Variants in TENM3 observed in about 807,000 individuals in gnomAD.
The protein encoded by TENM3 is teneurin transmembrane protein 3.
A neutral mutation model predicts 255.1 loss-of-function variants in TENM3; 63 were observed. The observed-to-expected ratio is 0.25, with a 90% CI of 0.20 to 0.30. TENM3 has a LOEUF of 0.30. Ranked by LOEUF, TENM3 falls within the 10% of genes least tolerant of loss-of-function variation. TENM3 has a pLI of 1.00. For synonymous variants in TENM3, 1,306 were observed against 1,322.3 expected (o/e 0.99, Z 0.27); for missense variants, 2,929 against 3,461.1 (o/e 0.85, Z 3.86).
chr4:181,934,879 T>G, the TENM3 span, among the ~76,000 whole-genome samples: 1 of 152,048 alleles, frequency 6.6e-6, no homozygotes, highest in Non-Finnish European at 1.5e-5. Context: ...AACATGTTGA[T>G]TTTTTAATGA....
chr4:182,207,251 C>G (rs1015734241), intron 1 of TENM3, among the ~76,000 whole-genome samples: 1 of 152,198 alleles, frequency 6.6e-6, no homozygotes, highest in Non-Finnish European at 1.5e-5. Flanking sequence ...AAGTGATTAT[C>G]TTCAAGGGGG....
At chr4:181,511,632 A>G in the TENM3 span, among the ~76,000 whole-genome samples, 1 of 152,168 alleles carries the variant, frequency 6.6e-6, no homozygotes, top group Non-Finnish European at 1.5e-5. Context: ...GTTCATACAT[A>G]CATTCATTTA....
At chr4:182,278,873 T>C (rs1166287965) in intron 1 of TENM3, among the ~76,000 whole-genome samples, 3 of 152,214 alleles carry the variant, frequency 2.0e-5, no homozygotes, top group South Asian at 2.1e-4. Flanking sequence ...TGTCATGCGC[T>C]GCGGGCTCCA....
At chr4:181,960,981 A>G in the TENM3 span, among the ~76,000 whole-genome samples, 4 of 152,190 alleles carry the variant, frequency 2.6e-5, no homozygotes, top group African/African-American at 9.6e-5. Flanking sequence ...GCACTAGGGA[A>G]TAGATGGCTT....
chr4:181,482,130 C>T, the TENM3 span, among the ~76,000 whole-genome samples: 5 of 152,070 alleles, frequency 3.3e-5, no homozygotes, highest in Middle Eastern at 3.4e-3. Flanking sequence ...TATTTTTTGA[C>T]TGACATATAA....
intron 1 of TENM3, among the ~76,000 whole-genome samples, chr4:182,297,549 G>A (rs1355957250): frequency 2.0e-5 from 3 of 152,112 alleles, no homozygotes; most frequent in East Asian, 1.9e-4. Flanking sequence ...GACTAAAAGC[G>A]TCCCCTGATC....
rs547020397 is a variant in TENM3 at position 182,428,145 on chromosome 4, G to T, written c.511+81216G>T. On this transcript the variant is annotated intron_variant, in intron 3 of 27. Coordinates refer to ENST00000511685, the MANE Select transcript of TENM3 (RefSeq NM_001080477.4). ...CAAAGGTGTGGAGAAAACCAACCTG[G>T]ATTCAGAGAGCTAATGGATACTGCA... Among the ~76,000 whole-genome samples, 9 of 152,234 alleles carry T rather than the reference G, an allele frequency of 5.9e-5. No homozygotes were observed. In the South Asian group the frequency reaches 1.9e-3, roughly 32 times the overall value.
chr4:182,619,271 ATT>A (rs879539566), intron 4 of TENM3, among the ~76,000 whole-genome samples: 29,957 of 151,692 alleles, frequency 0.2, 3,502 homozygotes, highest in Non-Finnish European at 0.27. Flanking sequence ...ACTAAAAATA[ATT>A]AAAAAAAATT....
At chr4:182,633,245 A>G (rs1400462732) in intron 5 of TENM3, among the ~76,000 whole-genome samples, 1 of 152,146 alleles carries the variant, frequency 6.6e-6, no homozygotes, top group Non-Finnish European at 1.5e-5. Flanking sequence ...GAGGATTTTT[A>G]AAAATGTTCT....
intron 6 of TENM3, among the ~76,000 whole-genome samples, chr4:182,659,921 C>G (rs1159660012): frequency 6.6e-6 from 1 of 152,148 alleles, no homozygotes; most frequent in Non-Finnish European, 1.5e-5. Context: ...GCCTCACCAC[C>G]TGATGTGGTG....
the TENM3 span, among the ~76,000 whole-genome samples, chr4:181,996,128 C>T: frequency 6.8e-6 from 1 of 147,662 alleles, no homozygotes; most frequent in South Asian, 2.1e-4. Context: ...GATAGTCCAA[C>T]TTCTACTAGA....
chr4:182,061,946 G>A, the TENM3 span, among the ~76,000 whole-genome samples: 2 of 152,130 alleles, frequency 1.3e-5, no homozygotes, highest in Admixed American at 1.3e-4. Context: ...GACAGAGCTG[G>A]ACCCTGTCTC....
intron 1 of TENM3, among the ~76,000 whole-genome samples, chr4:182,252,691 C>A (rs1758098284): frequency 6.6e-6 from 1 of 152,156 alleles, no homozygotes; most frequent in African/African-American, 2.4e-5. Flanking sequence ...CTCTGGGATA[C>A]CTTTGGGCTC....
At chr4:181,880,105 T>C in the TENM3 span, among the ~76,000 whole-genome samples, 4 of 152,278 alleles carry the variant, frequency 2.6e-5, no homozygotes, top group Admixed American at 1.3e-4. Context: ...CACTTCATAA[T>C]TGAAACGTTG....
chr4:182,233,998 G>A (rs1756737407), intron 1 of TENM3, among the ~76,000 whole-genome samples: 1 of 152,154 alleles, frequency 6.6e-6, no homozygotes, highest in African/African-American at 2.4e-5. Flanking sequence ...TTCAACTTGG[G>A]GAGTTGTGAC....
chr4:182,675,710 A>G (rs1755613414), intron 7 of TENM3, among the ~76,000 whole-genome samples: 1 of 152,242 alleles, frequency 6.6e-6, no homozygotes, highest in African/African-American at 2.4e-5. Context: ...TATACCTCTA[A>G]GCTGAGCACA....
chr4:181,586,233 G>A, the TENM3 span, among the ~76,000 whole-genome samples: 22 of 152,212 alleles, frequency 1.4e-4, no homozygotes, highest in South Asian at 1.7e-3. Flanking sequence ...GGTATGTGTC[G>A]GTTCTCACGC....
chr4:181,499,559 C>T, the TENM3 span, among the ~76,000 whole-genome samples: 1 of 152,016 alleles, frequency 6.6e-6, no homozygotes. Flanking sequence ...CTGTGAGCAA[C>T]CTATTACTAG....
At chr4:182,650,898 A>G (rs900942018) in intron 5 of TENM3, among the ~76,000 whole-genome samples, 2 of 16,008 alleles carry the variant, frequency 1.2e-4, no homozygotes, top group African/African-American at 1.0e-3. Flanking sequence ...AAATATATAT[A>G]TATATATATA....
Sources: allele counts gnomAD v4.1 joint callset (sites outside exome capture counted in the v4.1 genomes callset), GRCh38; gene constraint gnomAD v4.1.1; transcripts MANE v1.5; gene names NCBI Gene and HGNC (gene_info 2026-07-23, HGNC 2026-07-21).